RBFOX1: variants seen among roughly 807,000 people sequenced by gnomAD.
RBFOX1 encodes RNA binding fox-1 homolog 1.
In RBFOX1, 8 loss-of-function variants were observed where a neutral mutation model predicts 57.7. The ratio of observed to expected loss-of-function variants is 0.14; its 90% confidence interval spans 0.08 to 0.25. The LOEUF is 0.25. RBFOX1 is among the 10% of genes least tolerant of loss of function. The pLI is 1.00. For synonymous variants in RBFOX1, 326 were observed against 222.4 expected (o/e 1.47, Z -4.15); for missense variants, 611 against 548.5 (o/e 1.11, Z -1.14).
intron 4 of RBFOX1, among the ~76,000 whole-genome samples, chr16:7,468,807 C>G (rs1459099363): frequency 6.6e-6 from 1 of 152,124 alleles, no homozygotes; most frequent in Non-Finnish European, 1.5e-5. Flanking sequence ...CAAACTCTTT[C>G]TTTTGGGTGG....
intron 3 of RBFOX1, among the ~76,000 whole-genome samples, chr16:6,887,401 C>G (rs941651567): frequency 6.6e-6 from 1 of 151,948 alleles, no homozygotes; most frequent in Non-Finnish European, 1.5e-5. Context: ...TTCAAGAAGC[C>G]GAAAGGATAT....
chr16:6,642,813 C>T (rs915559522), intron 2 of RBFOX1, among the ~76,000 whole-genome samples: 1 of 152,082 alleles, frequency 6.6e-6, no homozygotes, highest in African/African-American at 2.4e-5. Flanking sequence ...CTTAGGCCCC[C>T]TGAAGATTCC....
chr16:6,910,391 G>C (rs1720254468), intron 3 of RBFOX1, among the ~76,000 whole-genome samples: 1 of 152,142 alleles, frequency 6.6e-6, no homozygotes, highest in Non-Finnish European at 1.5e-5. Flanking sequence ...ACACAAAGAG[G>C]AGAGCTTTAA....
chr16:6,412,048 C>G (rs2093473527), intron 2 of RBFOX1, among the ~76,000 whole-genome samples: 1 of 150,902 alleles, frequency 6.6e-6, no homozygotes, highest in Non-Finnish European at 1.5e-5. Flanking sequence ...AGGAAAATTG[C>G]TTGAAACCCG....
intron 4 of RBFOX1, among the ~76,000 whole-genome samples, chr16:7,103,589 A>T (rs1157556203): frequency 2.6e-5 from 4 of 152,204 alleles, no homozygotes; most frequent in African/African-American, 9.6e-5. Flanking sequence ...CAAGATGCTA[A>T]AAGTGATTAG....
At chr16:5,506,443 C>T (rs1055836393) in intron 2 of RBFOX1, among the ~76,000 whole-genome samples, 4 of 152,168 alleles carry the variant, frequency 2.6e-5, no homozygotes, top group South Asian at 4.1e-4. Context: ...AGTTCAGGTA[C>T]GTGAACCCAG....
At chr16:6,637,410 T>A (rs140783230) in intron 2 of RBFOX1, among the ~76,000 whole-genome samples, 3,847 of 36,918 alleles carry the variant, frequency 0.1, 427 homozygotes, top group African/African-American at 0.18. Flanking sequence ...AATATATATA[T>A]TATATAATAT....
intron 3 of RBFOX1, among the ~76,000 whole-genome samples, chr16:6,904,706 T>G (rs1022501476): frequency 2.6e-5 from 4 of 151,590 alleles, no homozygotes; most frequent in Non-Finnish European, 4.4e-5. Flanking sequence ...CCCGTCAGTT[T>G]CTCCTTGGTT....
At chr16:6,909,961 C>T (rs2071132140) in intron 3 of RBFOX1, among the ~76,000 whole-genome samples, 1 of 151,952 alleles carries the variant, frequency 6.6e-6, no homozygotes, top group African/African-American at 2.4e-5. Flanking sequence ...TTTCTGATTT[C>T]CAATATTGCT....
At chr16:6,931,854 G>A (rs1326863833) in intron 3 of RBFOX1, among the ~76,000 whole-genome samples, 2 of 152,150 alleles carry the variant, frequency 1.3e-5, no homozygotes, top group Non-Finnish European at 1.5e-5. Context: ...CATGGCACTG[G>A]TATCTGACGA....
At chr16:5,295,402 C>G (rs2063641488) in intron 1 of RBFOX1, among the ~76,000 whole-genome samples, 1 of 152,188 alleles carries the variant, frequency 6.6e-6, no homozygotes, top group Admixed American at 6.5e-5. Context: ...ACACAGTTAT[C>G]ACTGCACGGT....
At chr16:6,467,673 A>G (rs1041328149) in intron 2 of RBFOX1, among the ~76,000 whole-genome samples, 1 of 152,200 alleles carries the variant, frequency 6.6e-6, no homozygotes, top group Non-Finnish European at 1.5e-5. Flanking sequence ...TTTAAGAGAA[A>G]GCCCGAGACT....
intron 5 of RBFOX1, among the ~76,000 whole-genome samples, chr16:7,524,489 T>C (rs1043689852): frequency 6.6e-6 from 1 of 152,248 alleles, no homozygotes; most frequent in Admixed American, 6.5e-5. Flanking sequence ...TATTTTACTC[T>C]TGACATATTA....
At chr16:7,411,652 C>G (rs1391477566) in intron 4 of RBFOX1, among the ~76,000 whole-genome samples, 1 of 151,860 alleles carries the variant, frequency 6.6e-6, no homozygotes, top group Admixed American at 6.5e-5. Context: ...ACCTGTAATC[C>G]CAGCACTTTG....
intron 2 of RBFOX1, among the ~76,000 whole-genome samples, chr16:5,521,923 A>G (rs2044036519): frequency 6.6e-6 from 1 of 152,252 alleles, no homozygotes; most frequent in South Asian, 2.1e-4. Context: ...GGAGATGGGG[A>G]TGCCCTGGAG....
At chr16:6,838,049 T>G (rs886098455) in intron 3 of RBFOX1, among the ~76,000 whole-genome samples, 1 of 151,824 alleles carries the variant, frequency 6.6e-6, no homozygotes, top group Non-Finnish European at 1.5e-5. Flanking sequence ...CCGGGATGCA[T>G]GTGCAGAACA....
intron 4 of RBFOX1, among the ~76,000 whole-genome samples, chr16:7,068,869 A>G (rs2346261): frequency 0.62 from 94,611 of 152,084 alleles, 29,874 homozygotes; most frequent in East Asian, 0.91. Context: ...GGTTTCAGGC[A>G]TGAGCCACCG....
At chr16:7,502,303 C>T (rs945712196) in intron 4 of RBFOX1, among the ~76,000 whole-genome samples, 8 of 152,214 alleles carry the variant, frequency 5.3e-5, no homozygotes, top group African/African-American at 1.7e-4. Context: ...ATTAAAGATA[C>T]ATGGACAAGC....
chr16:6,187,279 CT>C (rs1161272904), intron 1 of RBFOX1, among the ~76,000 whole-genome samples: 1 of 151,944 alleles, frequency 6.6e-6, no homozygotes, highest in Non-Finnish European at 1.5e-5. Flanking sequence ...TCGATGTTTT[CT>C]TGGAGAGATG....
Sources: allele counts gnomAD v4.1 joint callset (sites outside exome capture counted in the v4.1 genomes callset), GRCh38; gene constraint gnomAD v4.1.1; transcripts MANE v1.5; gene names NCBI Gene and HGNC (gene_info 2026-07-23, HGNC 2026-07-21).